The following CRPPA variants were observed in gnomAD, a reference collection of about 807,000 sequenced individuals.
The protein encoded by CRPPA is CDP-L-ribitol pyrophosphorylase A.
CRPPA carries 43 observed loss-of-function variants against 52.0 expected under a neutral mutation model. That is an observed-to-expected ratio of 0.83 (90% CI 0.65 to 1.07). The LOEUF (loss-of-function observed/expected upper bound fraction) is 1.07. Among genes scored for constraint, CRPPA ranks in the 50% least tolerant of loss-of-function variants. The pLI, the probability that CRPPA is intolerant of heterozygous loss-of-function variation, is 0.00. For missense variants in CRPPA, 629 were observed against 551.7 expected, an observed-to-expected ratio of 1.14 and a Z score of -1.40; for synonymous variants, 250 against 203.5, an observed-to-expected ratio of 1.23 and a Z score of -1.94.
chr7:16,313,769 T>C (rs1338079803), intron 3 of CRPPA, among the ~76,000 whole-genome samples: 2 of 152,040 alleles, frequency 1.3e-5, no homozygotes, highest in Admixed American at 1.3e-4. Context: ...TTATGTGTGT[T>C]ATTTAAGAGT....
chr7:16,172,518 T>G (rs1781210589), intron 9 of CRPPA, among the ~76,000 whole-genome samples: 1 of 152,228 alleles, frequency 6.6e-6, no homozygotes, highest in Non-Finnish European at 1.5e-5. Flanking sequence ...ATGTCATGTC[T>G]GTCAGGTTAT....
chr7:16,122,907 AC>A (rs1249385441), intron 9 of CRPPA, among the ~76,000 whole-genome samples: 1 of 151,992 alleles, frequency 6.6e-6, no homozygotes, highest in African/African-American at 2.4e-5. Context: ...TACTTTGTAC[AC>A]CCCTTTATAG....
intron 9 of CRPPA, among the ~76,000 whole-genome samples, chr7:16,183,935 T>C (rs964348635): frequency 6.6e-6 from 1 of 152,036 alleles, no homozygotes; most frequent in Non-Finnish European, 1.5e-5. Context: ...TTACCCAGTC[T>C]TGGGTAGTTT....
intron 9 of CRPPA, among the ~76,000 whole-genome samples, chr7:16,113,099 G>C (rs1032834113): frequency 6.6e-6 from 1 of 151,944 alleles, no homozygotes; most frequent in African/African-American, 2.4e-5. Flanking sequence ...CTCTCTCAAT[G>C]AGAGTCTTGA....
intron 5 of CRPPA, among the ~76,000 whole-genome samples, chr7:16,279,754 C>T (rs909780435): frequency 1.3e-5 from 2 of 152,126 alleles, no homozygotes; most frequent in African/African-American, 4.8e-5. Context: ...AAGGAAACAA[C>T]ATTTTAATGT....
At chr7:16,126,748 A>G (rs972870316) in intron 9 of CRPPA, among the ~76,000 whole-genome samples, 4 of 152,176 alleles carry the variant, frequency 2.6e-5, no homozygotes, top group Admixed American at 1.3e-4. Flanking sequence ...TTCTTCCAGA[A>G]TACAGACAAA....
chr7:16,134,032 C>T (rs956125748), intron 9 of CRPPA, among the ~76,000 whole-genome samples: 1 of 123,594 alleles, frequency 8.1e-6, no homozygotes, highest in African/African-American at 2.6e-5. Context: ...CCCGGGTTCA[C>T]GCCATTCTCC....
chr7:16,103,673 G>A (rs1401018632), intron 9 of CRPPA, among the ~76,000 whole-genome samples: 1 of 152,096 alleles, frequency 6.6e-6, no homozygotes, highest in African/African-American at 2.4e-5. Flanking sequence ...CAAGTCTGGG[G>A]GATAAGGGCA....
intron 3 of CRPPA, among the ~76,000 whole-genome samples, chr7:16,323,598 C>G (rs1180352370): frequency 6.6e-6 from 1 of 152,194 alleles, no homozygotes; most frequent in Non-Finnish European, 1.5e-5. Context: ...AGAACCTCAG[C>G]TAATCCACAG....
intron 8 of CRPPA, among the ~76,000 whole-genome samples, chr7:16,224,470 C>G (rs1368218953): frequency 1.3e-5 from 2 of 152,040 alleles, no homozygotes; most frequent in Admixed American, 1.3e-4. Flanking sequence ...GTTTATTTCA[C>G]TAAGAACCAA....
rs1171689468 is a variant in CRPPA at position 16,088,056 on chromosome 7, T to A, written c.*3639A>T. 1 of 152,140 alleles carries A rather than the reference T, an allele frequency of 6.6e-6. No individual in the cohort carries two copies. The highest frequency in any genetic ancestry group is 1.5e-5 in the Non-Finnish European group (1 of 68,024). The allele number at this position is 152,140 out of a possible 1,614,324, so 9.4% of individuals were successfully genotyped here. Reference sequence around the variant, plus strand: ...ATGACTCTGAGAGAATATAGGGAGCTGACTCTTACCTGTAAATGAGTATAC... The same window carrying A: ...ATGACTCTGAGAGAATATAGGGAGCAGACTCTTACCTGTAAATGAGTATAC... On this transcript the variant is annotated 3_prime_UTR_variant, in exon 10 of 10. Transcript: ENST00000407010.
chr7:16,148,006 T>G (rs1411668935), intron 9 of CRPPA, among the ~76,000 whole-genome samples: 1 of 152,162 alleles, frequency 6.6e-6, no homozygotes, highest in East Asian at 1.9e-4. Context: ...CTTAATCACC[T>G]CAAACTATAA....
At chr7:16,209,273 CTTTT>C (rs34795937) in intron 9 of CRPPA, 189 of 122,958 alleles carry the variant, frequency 1.5e-3, no homozygotes, top group South Asian at 6.4e-3. Context: ...TTCTAAGTGT[CTTTT>C]TTTTTTTTTT....
intron 8 of CRPPA, among the ~76,000 whole-genome samples, chr7:16,244,583 A>G (rs977760597): frequency 6.6e-6 from 1 of 152,170 alleles, no homozygotes; most frequent in African/African-American, 2.4e-5. Flanking sequence ...ACCTAACCCA[A>G]TGTTGTTTTT....
chr7:16,099,910 G>T (rs1271771800), intron 9 of CRPPA, among the ~76,000 whole-genome samples: 1 of 152,060 alleles, frequency 6.6e-6, no homozygotes, highest in Non-Finnish European at 1.5e-5. Flanking sequence ...GTTTTCTATT[G>T]TCATGCTCCA....
At chr7:16,404,334 A>C (rs892037413) in intron 2 of CRPPA, among the ~76,000 whole-genome samples, 8 of 152,172 alleles carry the variant, frequency 5.3e-5, no homozygotes, top group African/African-American at 1.7e-4. Context: ...ATTATATTCT[A>C]AGAAACAATC....
chr7:16,133,060 G>A (rs1782706702), intron 9 of CRPPA, among the ~76,000 whole-genome samples: 1 of 122,880 alleles, frequency 8.1e-6, no homozygotes, highest in African/African-American at 2.6e-5. Flanking sequence ...GGGATACTGA[G>A]GTGGGGGGAT....
chr7:16,209,271 G>GTTTTTTTTTTTTT, intron 9 of CRPPA: 1 of 137,676 alleles, frequency 7.3e-6, no homozygotes, highest in Non-Finnish European at 1.6e-5. Flanking sequence ...GGTTCTAAGT[G>GTTTTTTTTTTTTT]TCTTTTTTTT....
intron 9 of CRPPA, among the ~76,000 whole-genome samples, chr7:16,184,633 G>A (rs1781471741): frequency 6.6e-6 from 1 of 152,128 alleles, no homozygotes; most frequent in South Asian, 2.1e-4. Flanking sequence ...GGCACATGCT[G>A]TTTATTGAAC....
Sources: allele counts gnomAD v4.1 joint callset (sites outside exome capture counted in the v4.1 genomes callset), GRCh38; gene constraint gnomAD v4.1.1; transcripts MANE v1.5; gene names NCBI Gene and HGNC (gene_info 2026-07-23, HGNC 2026-07-21).